The following NCKAP5 variants were observed in gnomAD, a reference collection of about 807,000 sequenced individuals.
NCKAP5 encodes the protein nck-associated protein 5.
NCKAP5 carries 92 observed loss-of-function variants against 167.0 expected under a neutral mutation model. That is an observed-to-expected ratio of 0.55 (90% CI 0.47 to 0.66). NCKAP5 has a LOEUF of 0.66. Among genes scored for constraint, NCKAP5 ranks in the 30% least tolerant of loss-of-function variants. The pLI, the probability that NCKAP5 is intolerant of heterozygous loss-of-function variation, is 0.00. For synonymous variants in NCKAP5, 891 were observed against 877.4 expected (o/e 1.02, Z -0.27); for missense variants, 2,378 against 2,315.0 (o/e 1.03, Z -0.56).
chr2:132,771,052 AC>A (rs1682001873), intron 16 of NCKAP5, among the ~76,000 whole-genome samples: 1 of 151,900 alleles, frequency 6.6e-6, no homozygotes, highest in African/African-American at 2.4e-5. Flanking sequence ...ACTATACTAT[AC>A]TTTTTACTGT....
At chr2:133,623,092 A>G in the NCKAP5 span, among the ~76,000 whole-genome samples, 26,834 of 152,164 alleles carry the variant, frequency 0.18, 3,991 homozygotes, top group African/African-American at 0.41. Flanking sequence ...ATAATTGGCA[A>G]GCCAAATGTA....
the NCKAP5 span, among the ~76,000 whole-genome samples, chr2:133,669,844 T>A: frequency 2.6e-5 from 4 of 152,202 alleles, no homozygotes; most frequent in African/African-American, 9.7e-5. Context: ...TTCAAAACAC[T>A]TATCTATAGA....
At chr2:132,924,332 T>A (rs973349672) in intron 8 of NCKAP5, among the ~76,000 whole-genome samples, 1 of 152,168 alleles carries the variant, frequency 6.6e-6, no homozygotes, top group Non-Finnish European at 1.5e-5. Flanking sequence ...AAAGACGATG[T>A]CGTAGATGGA....
At chr2:133,370,849 G>T (rs1685763539) in intron 3 of NCKAP5, among the ~76,000 whole-genome samples, 1 of 151,792 alleles carries the variant, frequency 6.6e-6, no homozygotes, top group African/African-American at 2.4e-5. Context: ...TCTTCTCCAG[G>T]GAGGGCCCTA....
At chr2:132,944,762 G>C (rs1697571807) in intron 8 of NCKAP5, among the ~76,000 whole-genome samples, 2 of 152,174 alleles carry the variant, frequency 1.3e-5, no homozygotes, top group South Asian at 4.1e-4. Flanking sequence ...TGAGCACGTA[G>C]AGCTATCTTT....
intron 6 of NCKAP5, among the ~76,000 whole-genome samples, chr2:133,020,634 T>C (rs1219434017): frequency 2.0e-5 from 3 of 152,220 alleles, no homozygotes; most frequent in African/African-American, 4.8e-5. Flanking sequence ...CATTTCATCC[T>C]ATTAAAGCAT....
At chr2:133,617,684 C>T in the NCKAP5 span, among the ~76,000 whole-genome samples, 2 of 151,342 alleles carry the variant, frequency 1.3e-5, no homozygotes, top group African/African-American at 2.4e-5. Flanking sequence ...ACATCCCATG[C>T]TCATGGGTAG....
chr2:133,435,183 T>C (rs772948159), intron 3 of NCKAP5, among the ~76,000 whole-genome samples: 8 of 152,180 alleles, frequency 5.3e-5, no homozygotes, highest in Non-Finnish European at 1.2e-4. Context: ...GTGGGAATGT[T>C]TCAGGGAGAG....
At chr2:133,164,735 T>G (rs2083932315) in intron 5 of NCKAP5, among the ~76,000 whole-genome samples, 1 of 152,150 alleles carries the variant, frequency 6.6e-6, no homozygotes, top group African/African-American at 2.4e-5. Context: ...CCCCTATCCT[T>G]CAGTGTCTCG....
intron 6 of NCKAP5, among the ~76,000 whole-genome samples, chr2:133,043,519 G>A (rs527411720): frequency 6.6e-6 from 1 of 152,116 alleles, no homozygotes; most frequent in Admixed American, 6.6e-5. Flanking sequence ...TAGCTGATGA[G>A]CTAAAAAAAA....
chr2:133,286,059 G>A (rs557831393), intron 4 of NCKAP5, among the ~76,000 whole-genome samples: 17 of 150,452 alleles, frequency 1.1e-4, no homozygotes, highest in South Asian at 8.4e-4. Context: ...GCAGTGGCAC[G>A]ATCTCGGCTC....
chr2:133,473,838 A>G (rs1169070717), intron 3 of NCKAP5, among the ~76,000 whole-genome samples: 1 of 152,212 alleles, frequency 6.6e-6, no homozygotes, highest in Admixed American at 6.5e-5. Context: ...GCCAGTTACT[A>G]CAGAGCTACA....
Position 133,181,603 on chromosome 2 carries a change from CAAAA to C in NCKAP5, c.207+32109_207+32112del, listed in dbSNP as rs34264277. 7.0e-4 allele frequency among the ~76,000 whole-genome samples: 50 copies of C among 71,146 alleles called. 1 individual carries two copies. Among genetic ancestry groups the C allele is most frequent in the African/African-American group, 2.2e-3 (38 of 17,352 alleles). 46.7% of individuals were successfully genotyped at this position (71,146 alleles called of 152,430 possible). A position where few individuals can be genotyped will look rare whatever the true frequency, so the allele number is the denominator to read the frequency against. On this transcript the variant is annotated intron_variant, in intron 5 of 19. Coordinates refer to ENST00000409261, the MANE Select transcript of NCKAP5 (RefSeq NM_207363.3). ...GCAACATGGTAAATCCCCATCTCTA[CAAAA>C]AAAAAAAAAAAAAAAAAAAAATTAG...
rs1312195095 is a variant in NCKAP5, at chr2:133,484,315, T to G, written c.69+33143A>C. 1.3e-5 allele frequency among the ~76,000 whole-genome samples: 2 copies of G among 152,096 alleles called. 1 individual carries two copies. Among genetic ancestry groups the G allele is most frequent in the Non-Finnish European group, 2.9e-5 (2 of 68,028 alleles). ...GTCCTTGTCTTCATGTGGTTATGAT[T>G]TGCTTCTAGGAATTTCAAAGCAGAG... On this transcript the variant is annotated intron_variant, in intron 3 of 19. Coordinates refer to ENST00000409261, the MANE Select transcript of NCKAP5 (RefSeq NM_207363.3).
At chr2:133,067,819 C>T (rs1447018901) in intron 6 of NCKAP5, among the ~76,000 whole-genome samples, 2 of 152,128 alleles carry the variant, frequency 1.3e-5, no homozygotes, top group Non-Finnish European at 2.9e-5. Flanking sequence ...GATTAACATG[C>T]AGGGAATTTA....
chr2:133,502,744 C>T (rs145804433), intron 3 of NCKAP5, among the ~76,000 whole-genome samples: 34 of 152,288 alleles, frequency 2.2e-4, no homozygotes, highest in African/African-American at 6.7e-4. Flanking sequence ...TCAAGAAAAA[C>T]GCATTTTAAA....
At position 133,361,919 on chromosome 2, in the gene NCKAP5, C is replaced by T. The variant is rs116244337; in HGVS notation, c.70-58809G>A. Among the ~76,000 whole-genome samples, 534 of 151,786 alleles carry T rather than the reference C, an allele frequency of 3.5e-3. 2 individuals carry two copies. Among genetic ancestry groups the T allele is most frequent in the Non-Finnish European group, 5.7e-3 (387 of 67,954 alleles). On this transcript the variant is annotated intron_variant, in intron 3 of 19. Transcript: ENST00000409261. ...TTGAATTTATAAATTTATTTTGATT[C>T]TGCACTTAAGAAAGAACTATAAGCA...
chr2:133,562,639 G>A (rs961428544), intron 1 of NCKAP5, among the ~76,000 whole-genome samples: 1 of 152,178 alleles, frequency 6.6e-6, no homozygotes, highest in African/African-American at 2.4e-5. Context: ...AAATGGGCTT[G>A]GGACTCTCCT....
At chr2:133,153,052 G>A (rs944087429) in intron 5 of NCKAP5, among the ~76,000 whole-genome samples, 13 of 152,122 alleles carry the variant, frequency 8.5e-5, no homozygotes, top group African/African-American at 2.2e-4. Context: ...GCAATGCATC[G>A]TTGTACACAA....
Sources: gnomAD v4.1 joint callset for allele counts (sites outside exome capture counted in the v4.1 genomes callset) on GRCh38, gnomAD v4.1.1 for gene constraint, MANE v1.5 for transcripts, NCBI Gene and HGNC (gene_info 2026-07-23, HGNC 2026-07-21) for gene names.